Variants in CD38 observed in about 807,000 individuals in gnomAD.
CD38 encodes ADP-ribosyl cyclase/cyclic ADP-ribose hydrolase 1.
In CD38, 31 loss-of-function variants were observed where a neutral mutation model predicts 36.3. The ratio of observed to expected loss-of-function variants is 0.85; its 90% confidence interval spans 0.64 to 1.15. The LOEUF (loss-of-function observed/expected upper bound fraction) is 1.15. CD38 is among the 50% of genes most tolerant of loss of function. The pLI is 0.00. For missense variants in CD38, 380 were observed against 371.9 expected, an observed-to-expected ratio of 1.02 and a Z score of -0.18; for synonymous variants, 131 against 135.2, an observed-to-expected ratio of 0.97 and a Z score of 0.22.
At chr4:15,816,751 T>C (rs1723605361) in intron 2 of CD38, 111 bp downstream of exon 2, 3 of 1,152,822 alleles carry the variant, frequency 2.6e-6, no homozygotes, top group South Asian at 1.2e-5. Context: ...CCAGACATTA[T>C]AGTGTGAGTG....
rs1455465618 is a variant in CD38 at position 15,794,317 on chromosome 4, C to T, written c.233+15670C>T. Among the ~76,000 whole-genome samples the T allele has an allele frequency of 2.0e-5, 3 of 152,300 alleles. No homozygotes were observed. In the East Asian group the frequency reaches 5.8e-4, roughly 29 times the overall value. Reference sequence around the variant, plus strand: ...TAGTACTATCTGCAGTTTCAGGCATCACTGAGGGGGTTGGAACATAACCCT... The same window carrying T: ...TAGTACTATCTGCAGTTTCAGGCATTACTGAGGGGGTTGGAACATAACCCT... On this transcript the variant is annotated intron_variant, in intron 1 of 7. Coordinates refer to ENST00000226279, the MANE Select transcript of CD38 (RefSeq NM_001775.4).
chr4:15,803,752 A>T (rs1333270300), intron 1 of CD38, among the ~76,000 whole-genome samples: 1 of 152,172 alleles, frequency 6.6e-6, no homozygotes, highest in African/African-American at 2.4e-5. Flanking sequence ...CCCATCTCCC[A>T]GGTGGTGAGC....
At chr4:15,819,106 T>C (rs1188823994) in intron 2 of CD38, among the ~76,000 whole-genome samples, 1 of 146,800 alleles carries the variant, frequency 6.8e-6, no homozygotes, top group Non-Finnish European at 1.6e-5. Context: ...AAACACCACA[T>C]GTTCTCACTC....
intron 1 of CD38, among the ~76,000 whole-genome samples, chr4:15,780,518 TCACACACACACACACACA>T (rs59324393): frequency 2.9e-5 from 4 of 140,028 alleles, no homozygotes; most frequent in South Asian, 2.3e-4. Context: ...ATTCTCTCTC[TCACACACACACACACACA>T]CACACACACA....
At chr4:15,826,872 T>C (rs918065246) in intron 3 of CD38, among the ~76,000 whole-genome samples, 2 of 152,218 alleles carry the variant, frequency 1.3e-5, no homozygotes, top group Non-Finnish European at 2.9e-5. Context: ...CTCAATTTAG[T>C]GTGAAGTTCT....
At chr4:15,826,934 T>C (rs182836513) in intron 3 of CD38, among the ~76,000 whole-genome samples, 1 of 152,324 alleles carries the variant, frequency 6.6e-6, no homozygotes, top group East Asian at 1.9e-4. Flanking sequence ...CTGTTTCTTC[T>C]GTAAGCTGGC....
Position 15,791,773 on chromosome 4 carries a change from G to C in CD38, c.233+13126G>C, listed in dbSNP as rs1404822263. Reference sequence around the variant, plus strand: ...CTGGGAAGTGAGGATCCCTCTGCCCGGCCAGCCGCCCCGTCCGGGAGGGAG... The same window carrying C: ...CTGGGAAGTGAGGATCCCTCTGCCCCGCCAGCCGCCCCGTCCGGGAGGGAG... On this transcript the variant is annotated intron_variant, in intron 1 of 7. Coordinates refer to ENST00000226279, the MANE Select transcript of CD38 (RefSeq NM_001775.4). 2.5e-5 allele frequency among the ~76,000 whole-genome samples: 2 copies of C among 81,384 alleles called. 1 individual carries two copies. Among genetic ancestry groups the C allele is most frequent in the South Asian group, 7.3e-4 (2 of 2,734 alleles). 53.4% of individuals were successfully genotyped at this position (81,384 alleles called of 152,430 possible). A position where few individuals can be genotyped will look rare whatever the true frequency, so the allele number is the denominator to read the frequency against.
intron 1 of CD38, among the ~76,000 whole-genome samples, chr4:15,786,357 C>T (rs1390703786): frequency 1.3e-5 from 2 of 152,176 alleles, no homozygotes; most frequent in African/African-American, 4.8e-5. Context: ...CTGATTGGTG[C>T]ATTTACAAAC....
chr4:15,833,215 C>A (rs1723993224), intron 3 of CD38, among the ~76,000 whole-genome samples: 1 of 152,182 alleles, frequency 6.6e-6, no homozygotes, highest in South Asian at 2.1e-4. Context: ...GGTGCTCTAC[C>A]TCTCTGTGGC....
At chr4:15,787,685 C>G (rs1041510076) in intron 1 of CD38, among the ~76,000 whole-genome samples, 1 of 152,166 alleles carries the variant, frequency 6.6e-6, no homozygotes, top group African/African-American at 2.4e-5. Context: ...GGTTTAATTG[C>G]CGGGTCTGCC....
chr4:15,828,629 C>A (rs1342372657), intron 3 of CD38, among the ~76,000 whole-genome samples: 3 of 152,166 alleles, frequency 2.0e-5, no homozygotes, highest in Non-Finnish European at 2.9e-5. Flanking sequence ...CTTGTTCCAT[C>A]TATATTGTCA....
intron 1 of CD38, among the ~76,000 whole-genome samples, chr4:15,814,809 TTTG>T (rs1413406058): frequency 1.4e-5 from 2 of 141,682 alleles, no homozygotes; most frequent in Non-Finnish European, 3.0e-5. Context: ...TTTTTTGTTT[TTTG>T]TTTTTTTTTT....
At chr4:15,791,044 T>G (rs1577636151) in intron 1 of CD38, among the ~76,000 whole-genome samples, 3 of 104,738 alleles carry the variant, frequency 2.9e-5, no homozygotes, top group African/African-American at 7.9e-5. Flanking sequence ...GGGAGGGAGG[T>G]GGGGGGGGGT....
chr4:15,818,090 C>T (rs912313538), intron 2 of CD38, among the ~76,000 whole-genome samples: 2 of 149,290 alleles, frequency 1.3e-5, no homozygotes, highest in African/African-American at 2.5e-5. Flanking sequence ...GACCAGCAAG[C>T]TAAGAACCAC....
intron 2 of CD38, among the ~76,000 whole-genome samples, chr4:15,822,080 A>T (rs1259804312): frequency 1.3e-5 from 2 of 152,202 alleles, no homozygotes; most frequent in African/African-American, 4.8e-5. Context: ...AAAGAGAACT[A>T]AAGACAAAAA....
chr4:15,789,638 G>C (rs1202816252), intron 1 of CD38, among the ~76,000 whole-genome samples: 2 of 152,154 alleles, frequency 1.3e-5, no homozygotes, highest in East Asian at 3.9e-4. Context: ...GGTCATGAGA[G>C]ATCTGCCCTC....
intron 5 of CD38, among the ~76,000 whole-genome samples, chr4:15,838,725 G>A (rs1361683605): frequency 1.3e-5 from 2 of 152,186 alleles, no homozygotes; most frequent in Non-Finnish European, 2.9e-5. Context: ...GCAGGTACTG[G>A]CGGTCATTAC....
chr4:15,810,730 G>A (rs1468472587), intron 1 of CD38, among the ~76,000 whole-genome samples: 1 of 152,186 alleles, frequency 6.6e-6, no homozygotes, highest in Non-Finnish European at 1.5e-5. Context: ...ACAGATATTG[G>A]AAAGAAACCG....
At chr4:15,829,788 A>T (rs1004462639) in intron 3 of CD38, among the ~76,000 whole-genome samples, 1 of 152,212 alleles carries the variant, frequency 6.6e-6, no homozygotes, top group South Asian at 2.1e-4. Flanking sequence ...CTCCATGTCC[A>T]TGAGATCAGT....
Sources: gnomAD v4.1 joint callset for allele counts (sites outside exome capture counted in the v4.1 genomes callset) on GRCh38, gnomAD v4.1.1 for gene constraint, MANE v1.5 for transcripts, NCBI Gene and HGNC (gene_info 2026-07-23, HGNC 2026-07-21) for gene names.